The following XPO1 variants were observed in gnomAD, a reference collection of about 807,000 sequenced individuals.
XPO1 encodes the protein exportin-1.
In XPO1, 5 loss-of-function variants were observed where a neutral mutation model predicts 133.3. That is an observed-to-expected ratio of 0.04 (90% CI 0.02 to 0.08). XPO1 has a LOEUF of 0.08. XPO1 is among the 10% of genes least tolerant of loss of function. XPO1 has a pLI of 1.00. For missense variants in XPO1, 506 were observed against 1,267.5 expected, an observed-to-expected ratio of 0.40 and a Z score of 9.12; for synonymous variants, 419 against 408.2, an observed-to-expected ratio of 1.03 and a Z score of -0.32.
At chr2:61,511,968 C>G (rs548709907) in intron 4 of XPO1, among the ~76,000 whole-genome samples, 3 of 152,118 alleles carry the variant, frequency 2.0e-5, no homozygotes, top group Admixed American at 6.5e-5. Context: ...CGGGGTTTCA[C>G]CATGTTGGCC....
intron 4 of XPO1, among the ~76,000 whole-genome samples, chr2:61,516,856 TTCC>T (rs1448330079): frequency 6.6e-6 from 1 of 152,046 alleles, no homozygotes; most frequent in Non-Finnish European, 1.5e-5. Flanking sequence ...CAAAGGAGGC[TTCC>T]TCTTTTTTTT....
rs771872885 is a variant in XPO1 at position 61,492,819 on chromosome 2, G to C, written c.1385-71C>G. Reference sequence around the variant, plus strand: ...TTATTGATGAGTAACAATACATTTAGAAAATATTTAGAAACTACAAGTACA... The same window carrying C: ...TTATTGATGAGTAACAATACATTTACAAAATATTTAGAAACTACAAGTACA... On this transcript the variant is annotated intron_variant, in intron 13 of 24. Transcript: ENST00000401558. The surrounding 1 kb of genome is among the most constrained non-coding windows in gnomAD (Gnocchi z 5.6). 4 of 1,562,236 alleles carry C rather than the reference G, an allele frequency of 2.6e-6. No homozygotes were observed. Among genetic ancestry groups the C allele is most frequent in the African/African-American group, 1.4e-5 (1 of 72,850 alleles).
At chr2:61,520,156 T>C (rs959570242) in intron 4 of XPO1, among the ~76,000 whole-genome samples, 1 of 152,094 alleles carries the variant, frequency 6.6e-6, no homozygotes, top group Non-Finnish European at 1.5e-5. Flanking sequence ...AGGGTATAGC[T>C]ACAGCAAAAA....
chr2:61,517,782 T>A lies in XPO1; in HGVS notation c.301+4829A>T, dbSNP rs537401701. On this transcript the variant is annotated intron_variant, in intron 4 of 24. Transcript: ENST00000401558. ...GAGACTCTATCTCTAAAAAAAAAAATTTTTTTTAATTAGCTGGGCATGGTG... is the reference window on the plus strand; with the variant it reads ...GAGACTCTATCTCTAAAAAAAAAAAATTTTTTTAATTAGCTGGGCATGGTG... Among the ~76,000 whole-genome samples, 127 of 151,184 alleles carry A rather than the reference T, an allele frequency of 8.4e-4. No homozygotes were observed. The Middle Eastern group carries it at 0.01, about 12-fold the overall frequency.
chr2:61,528,327 T>C (rs1698996831), intron 2 of XPO1, among the ~76,000 whole-genome samples: 1 of 152,122 alleles, frequency 6.6e-6, no homozygotes, highest in African/African-American at 2.4e-5. Flanking sequence ...AAATTTTATG[T>C]TAATAGTATA....
chr2:61,490,438 A>G (rs1696923803), intron 17 of XPO1, among the ~76,000 whole-genome samples: 1 of 151,966 alleles, frequency 6.6e-6, no homozygotes, highest in Non-Finnish European at 1.5e-5. Context: ...GCCTCAGGTG[A>G]TCCGCCCGCC....
At chr2:61,491,940 T>C (rs1328311657) in intron 16 of XPO1, 95 bp downstream of exon 16, 17 of 1,408,258 alleles carry the variant, frequency 1.2e-5, no homozygotes, top group Non-Finnish European at 1.5e-5. Flanking sequence ...ACACTTCTAT[T>C]GGATCCAATA....
At chr2:61,538,605 G>C (rs541241142), upstream of XPO1, 28 of 152,536 alleles carry the variant, frequency 1.8e-4, no homozygotes, top group African/African-American at 6.5e-4. Flanking sequence ...GGGATGAGTA[G>C]AAAAGAGAGC....
At chr2:61,533,749 A>G in intron 2 of XPO1, 23 bp downstream of exon 2, 1 of 1,561,972 alleles carries the variant, frequency 6.4e-7, no homozygotes, top group Non-Finnish European at 8.6e-7. Flanking sequence ...ATAATGTTAT[A>G]AAGTTTTGGT....
At chr2:61,529,727 C>G (rs1034237956) in intron 2 of XPO1, among the ~76,000 whole-genome samples, 3 of 151,640 alleles carry the variant, frequency 2.0e-5, no homozygotes, top group Admixed American at 6.6e-5. Context: ...TTATTTTAAT[C>G]ATGACCTTTT....
At chr2:61,526,335 G>T in intron 3 of XPO1, 85 bp downstream of exon 3, 1 of 1,498,100 alleles carries the variant, frequency 6.7e-7, no homozygotes, top group East Asian at 2.5e-5. Context: ...GATAACAAAT[G>T]CTAATACTAA....
chr2:61,527,633 C>T lies in XPO1; in HGVS notation c.127-1112G>A, dbSNP rs115208177. 8.9e-3 allele frequency among the ~76,000 whole-genome samples: 1,362 copies of T among 152,298 alleles called. 21 individuals are homozygous for T. Among genetic ancestry groups the T allele is most frequent in the African/African-American group, 0.031 (1,276 of 41,568 alleles). ...CTGAAAACTAGGTCTAATTAAACCA[C>T]AAATCCCAAATACTTACATACCATT... On this transcript the variant is annotated intron_variant, in intron 2 of 24. Transcript: ENST00000401558.
Position 61,525,734 on chromosome 2 carries a change from A to G in XPO1, c.228+686T>C, listed in dbSNP as rs544273204. On this transcript the variant is annotated intron_variant, in intron 3 of 24. Transcript: ENST00000401558. ...GATGTCAAAACTAATTAATATTTTA[A>G]AACTGTTAATTAACAAAGTCTGGTT... 4 of 1,028,630 alleles carry G rather than the reference A, an allele frequency of 3.9e-6. No individual in the cohort carries two copies. In the African/African-American group the frequency reaches 6.8e-5, roughly 17 times the overall value. 63.7% of individuals were successfully genotyped at this position (1,028,630 alleles called of 1,614,324 possible).
chr2:61,506,828 T>C (rs1044859214), intron 4 of XPO1, among the ~76,000 whole-genome samples: 10 of 152,170 alleles, frequency 6.6e-5, no homozygotes, highest in African/African-American at 2.4e-4. Flanking sequence ...CTCTGACTTT[T>C]TGTTCTAAAT....
intron 3 of XPO1, chr2:61,525,173 T>C (rs1698863421): frequency 1.5e-6 from 1 of 660,604 alleles, no homozygotes; most frequent in African/African-American, 2.0e-5. Flanking sequence ...TAGAAATACT[T>C]ATTTTATGCA....
At chr2:61,480,807 A>G (rs542299428) in intron 24 of XPO1, among the ~76,000 whole-genome samples, 58 of 152,288 alleles carry the variant, frequency 3.8e-4, no homozygotes, top group South Asian at 6.2e-4. Context: ...AAAGCACTGT[A>G]TAACAGCAGA....
intron 10 of XPO1, 72 bp from the exon 11 acceptor site, chr2:61,495,685 A>AT (rs2104461526): frequency 4.3e-6 from 6 of 1,392,454 alleles, no homozygotes; most frequent in Admixed American, 2.4e-5. Flanking sequence ...TTTTATTATT[A>AT]TTTTTTTGAG....
intron 11 of XPO1, 71 bp downstream of exon 11, chr2:61,495,384 G>A (rs1573136782): frequency 2.3e-6 from 3 of 1,297,154 alleles, no homozygotes; most frequent in East Asian, 2.5e-5. Flanking sequence ...ATACATTTTA[G>A]AAAAAGGCAC....
intron 4 of XPO1, among the ~76,000 whole-genome samples, chr2:61,516,889 C>T (rs969983441): frequency 6.6e-6 from 1 of 151,792 alleles, no homozygotes; most frequent in Non-Finnish European, 1.5e-5. Flanking sequence ...TATCTAAATG[C>T]CATTTTTAAT....
Sources: gnomAD v4.1 joint callset for allele counts (sites outside exome capture counted in the v4.1 genomes callset) on GRCh38, gnomAD v4.1.1 for gene constraint, Gnocchi (gnomAD v3.1) non-coding constraint, MANE v1.5 for transcripts, NCBI Gene and HGNC (gene_info 2026-07-23, HGNC 2026-07-21) for gene names.